The following KIFAP3 variants were observed in gnomAD, a reference collection of about 807,000 sequenced individuals.
The protein encoded by KIFAP3 is kinesin associated protein 3, also known as kinesin-associated protein 3.
In KIFAP3, 68 loss-of-function variants were observed where a neutral mutation model predicts 106.5. The ratio of observed to expected loss-of-function variants is 0.64; its 90% confidence interval spans 0.53 to 0.78. KIFAP3 has a LOEUF of 0.78. Ranked by LOEUF, KIFAP3 falls within the 30% of genes least tolerant of loss-of-function variation. The pLI, the probability that KIFAP3 is intolerant of heterozygous loss-of-function variation, is 0.00. For synonymous variants in KIFAP3, 320 were observed against 311.5 expected (o/e 1.03, Z -0.29); for missense variants, 780 against 941.8 (o/e 0.83, Z 2.25).
chr1:169,951,161 TG>T (rs1245787153), intron 19 of KIFAP3, among the ~76,000 whole-genome samples: 1 of 151,978 alleles, frequency 6.6e-6, no homozygotes, highest in Non-Finnish European at 1.5e-5. Flanking sequence ...CCTTTTCATT[TG>T]TTCTATTACC....
chr1:169,969,147 A>G (rs1481847015), intron 17 of KIFAP3, among the ~76,000 whole-genome samples: 1 of 151,994 alleles, frequency 6.6e-6, no homozygotes, highest in Non-Finnish European at 1.5e-5. Context: ...TCTGCCAACA[A>G]TTCACTTGAA....
rs1045784396 is a variant in KIFAP3, at chr1:170,074,678, A to C, written c.-211T>G. On this transcript the variant is annotated 5_prime_UTR_variant, in exon 1 of 20. Coordinates refer to ENST00000361580, the MANE Select transcript of KIFAP3 (RefSeq NM_014970.4). Reference sequence around the variant, plus strand: ...GCCCCAAAACACTGGAGCGGCCCAGACCCGCCCAGAGTCGCCTAAGCCGGG... The same window carrying C: ...GCCCCAAAACACTGGAGCGGCCCAGCCCCGCCCAGAGTCGCCTAAGCCGGG... The C allele has an allele frequency of 1.4e-6, 2 of 1,423,854 alleles. No homozygotes were observed. The highest frequency in any genetic ancestry group is 1.5e-5 in the South Asian group (1 of 68,056). The allele number at this position is 1,423,854 out of a possible 1,614,324, so 88.2% of individuals were successfully genotyped here. A position where few individuals can be genotyped will look rare whatever the true frequency, so the allele number is the denominator to read the frequency against.
chr1:169,991,853 TTATGA>T (rs1036528324), intron 11 of KIFAP3, among the ~76,000 whole-genome samples: 2 of 152,046 alleles, frequency 1.3e-5, no homozygotes, highest in African/African-American at 4.8e-5. Flanking sequence ...GAGAGTATAA[TTATGA>T]TATATTAATA....
chr1:169,966,348 C>T (rs1016762055), intron 17 of KIFAP3, among the ~76,000 whole-genome samples: 1 of 151,286 alleles, frequency 6.6e-6, no homozygotes, highest in South Asian at 2.1e-4. Flanking sequence ...AACAATGATT[C>T]CAGAATCCTA....
intron 11 of KIFAP3, among the ~76,000 whole-genome samples, chr1:169,986,973 C>G (rs1287282893): frequency 1.3e-5 from 2 of 151,944 alleles, no homozygotes; most frequent in African/African-American, 4.8e-5. Context: ...AAAACTTACT[C>G]AACTCCCATT....
rs60825089 is a variant in KIFAP3 at position 170,017,341 on chromosome 1, C to G, written c.1021-717G>C. ...ATAAAAACTGAATGAATACAATGCT[C>G]TGAAAACAGCATTGAGAGAACTACT... is the stretch of plus-strand genomic sequence containing the variant. On this transcript the variant is annotated intron_variant, in intron 9 of 19. Transcript: ENST00000361580. Among the ~76,000 whole-genome samples, 1,258 of 149,562 alleles carry G rather than the reference C, an allele frequency of 8.4e-3. 23 individuals are homozygous for G. The highest frequency in any genetic ancestry group is 0.028 in the African/African-American group (1,144 of 40,792).
intron 6 of KIFAP3, among the ~76,000 whole-genome samples, chr1:170,034,891 CAT>C (rs1231901160): frequency 6.6e-6 from 1 of 151,856 alleles, no homozygotes; most frequent in Non-Finnish European, 1.5e-5. Context: ...TCAGGTTTTA[CAT>C]ATGTTTTCTA....
chr1:170,062,749 T>C (rs1400293895), intron 1 of KIFAP3, among the ~76,000 whole-genome samples: 1 of 152,176 alleles, frequency 6.6e-6, no homozygotes, highest in Admixed American at 6.5e-5. Context: ...ATGTACCTAC[T>C]ACACACATAA....
chr1:170,019,326 T>C (rs934449739), intron 9 of KIFAP3, among the ~76,000 whole-genome samples: 4 of 152,096 alleles, frequency 2.6e-5, no homozygotes, highest in Non-Finnish European at 5.9e-5. Flanking sequence ...TCCCAGTTCA[T>C]TATAGAGGAC....
chr1:170,028,345 G>C (rs913867849), intron 8 of KIFAP3, among the ~76,000 whole-genome samples: 2 of 151,346 alleles, frequency 1.3e-5, no homozygotes, highest in African/African-American at 4.9e-5. Context: ...TTTGTTTTTG[G>C]CTTTTTTTTC....
intron 16 of KIFAP3, among the ~76,000 whole-genome samples, chr1:169,977,327 T>C (rs1179134426): frequency 6.6e-6 from 1 of 152,170 alleles, no homozygotes; most frequent in African/African-American, 2.4e-5. Flanking sequence ...TTACCAATAT[T>C]GAGTACCCTT....
chr1:170,015,244 G>T (rs984545435), intron 10 of KIFAP3, among the ~76,000 whole-genome samples: 1 of 152,110 alleles, frequency 6.6e-6, no homozygotes, highest in African/African-American at 2.4e-5. Flanking sequence ...AATAGACTAT[G>T]AATTCCTTCA....
intron 2 of KIFAP3, among the ~76,000 whole-genome samples, chr1:170,049,289 C>A (rs1456790627): frequency 6.6e-6 from 1 of 152,156 alleles, no homozygotes; most frequent in Non-Finnish European, 1.5e-5. Flanking sequence ...CCTCACTGGG[C>A]AGGGCATCTA....
At chr1:169,959,137 C>T (rs570893023) in intron 18 of KIFAP3, among the ~76,000 whole-genome samples, 75 of 152,194 alleles carry the variant, frequency 4.9e-4, no homozygotes, top group Non-Finnish European at 6.6e-4. Flanking sequence ...TTCAGGGAGA[C>T]GCAGAGGCTT....
chr1:170,045,732 T>C (rs558895889), intron 3 of KIFAP3, among the ~76,000 whole-genome samples: 16 of 152,334 alleles, frequency 1.1e-4, no homozygotes, highest in Non-Finnish European at 1.9e-4. Flanking sequence ...ACTAAGATTT[T>C]CAAAAATTTC....
At chr1:169,958,928 T>A (rs1032010303) in intron 18 of KIFAP3, among the ~76,000 whole-genome samples, 4 of 152,162 alleles carry the variant, frequency 2.6e-5, no homozygotes, top group East Asian at 1.9e-4. Context: ...AGATTTTTTT[T>A]TAAAAAACAT....
intron 19 of KIFAP3, among the ~76,000 whole-genome samples, chr1:169,945,011 A>G (rs1434241875): frequency 1.3e-5 from 2 of 152,082 alleles, no homozygotes; most frequent in Non-Finnish European, 2.9e-5. Context: ...TTTGCCCAGG[A>G]GCCTGCCTGT....
intron 11 of KIFAP3, 138 bp downstream of exon 11, chr1:169,992,017 C>T: frequency 2.4e-6 from 1 of 412,644 alleles, no homozygotes; most frequent in Non-Finnish European, 4.3e-6. Flanking sequence ...TCTGTACTTC[C>T]TCAATTTTCT....
At position 170,046,799 on chromosome 1, in the gene KIFAP3, A is replaced by G; in HGVS notation, c.232T>C (p.Cys78Arg). The part of the protein sequence containing the change: ...TSLARKVVEE[C>R]KLIHPSKLNE... ...AGTTTTGAAGGATGAATGAGTTTACATTCTTCAACCACCTTCCTTGCCAGG... is the reference window on the plus strand; with the variant it reads ...AGTTTTGAAGGATGAATGAGTTTACGTTCTTCAACCACCTTCCTTGCCAGG... The change falls in exon 3 of 20, where the codon TGT (cysteine) becomes CGT (arginine). Residue 78 changes from cysteine to arginine, a missense_variant. By Grantham distance (180) the Cys-to-Arg change is radical. Transcript: ENST00000361580. The G allele has an allele frequency of 6.2e-7, 1 of 1,611,614 alleles. No individual in the cohort carries two copies. The highest frequency in any genetic ancestry group is 8.5e-7 in the Non-Finnish European group (1 of 1,178,704).
Sources: gnomAD v4.1 joint callset for allele counts (sites outside exome capture counted in the v4.1 genomes callset) on GRCh38, gnomAD v4.1.1 for gene constraint, MANE v1.5 for transcripts, NCBI Gene and HGNC (gene_info 2026-07-23, HGNC 2026-07-21) for gene names.